Variants in PSIP1 observed in about 807,000 individuals in gnomAD.
The protein encoded by PSIP1 is PC4 and SFRS1-interacting protein.
A neutral mutation model predicts 74.7 loss-of-function variants in PSIP1; 19 were observed. The ratio of observed to expected loss-of-function variants is 0.25; its 90% CI spans 0.18 to 0.37. The LOEUF is 0.37. Among genes scored for constraint, PSIP1 ranks in the 10% least tolerant of loss-of-function variants. PSIP1 has a pLI of 1.00. For synonymous variants in PSIP1, 222 were observed against 195.3 expected, an observed-to-expected ratio of 1.14 and a Z score of -1.14; for missense variants, 601 against 614.3, an observed-to-expected ratio of 0.98 and a Z score of 0.23.
At chr9:15,495,843 C>T (rs1249230896) in intron 3 of PSIP1, among the ~76,000 whole-genome samples, 1 of 152,180 alleles carries the variant, frequency 6.6e-6, no homozygotes, top group East Asian at 1.9e-4. Flanking sequence ...GTTTCTCTGG[C>T]TGGACAATTA....
In PSIP1 at chr9:15,510,106, A is replaced by T; in HGVS notation, c.72+11T>A. 6.2e-7 allele frequency: 1 copy of T among 1,601,718 alleles called. No individual in the cohort carries two copies. The highest frequency in any genetic ancestry group is 1.1e-5 in the South Asian group (1 of 89,502). On this transcript the variant is annotated intron_variant, in intron 2 of 15. Coordinates refer to ENST00000380733, the MANE Select transcript of PSIP1 (RefSeq NM_033222.5). Reference sequence around the variant, plus strand: ...TAGCACTGCTAAGCGCGAGGGCTACAAATCACTTACTCGAGCTGGCCAATG... The same window carrying T: ...TAGCACTGCTAAGCGCGAGGGCTACTAATCACTTACTCGAGCTGGCCAATG...
At chr9:15,477,266 T>C (rs534781081) in intron 8 of PSIP1, among the ~76,000 whole-genome samples, 11 of 152,342 alleles carry the variant, frequency 7.2e-5, no homozygotes, top group Non-Finnish European at 1.0e-4. Context: ...ACACAATGTT[T>C]TGATGTACGT....
chr9:15,478,682 C>G (rs2132081513), intron 7 of PSIP1, 130 bp from the exon 8 acceptor site: 1 of 597,830 alleles, frequency 1.7e-6, no homozygotes, highest in East Asian at 3.1e-5. Context: ...ACAATTATTG[C>G]TAAATTGAAA....
At chr9:15,507,628 A>C (rs1231275667) in intron 2 of PSIP1, among the ~76,000 whole-genome samples, 2 of 152,152 alleles carry the variant, frequency 1.3e-5, no homozygotes, top group African/African-American at 2.4e-5. Context: ...ACAGAGTGAG[A>C]TCCTGTCTTT....
chr9:15,467,546 G>A (rs1169576444), intron 14 of PSIP1, among the ~76,000 whole-genome samples: 1 of 152,206 alleles, frequency 6.6e-6, no homozygotes, highest in African/African-American at 2.4e-5. Context: ...GAAATGGTAT[G>A]TCAGGGATTT....
chr9:15,485,474 T>C (rs538468171), intron 6 of PSIP1, among the ~76,000 whole-genome samples: 2 of 152,320 alleles, frequency 1.3e-5, no homozygotes, highest in Non-Finnish European at 2.9e-5. Flanking sequence ...ATGATAATAA[T>C]TTGAGACATA....
intron 9 of PSIP1, 51 bp downstream of exon 9, chr9:15,473,958 T>C (rs757502516): frequency 2.6e-6 from 3 of 1,142,812 alleles, no homozygotes; most frequent in Non-Finnish European, 3.5e-6. Flanking sequence ...ACAAAAAATA[T>C]ATATATAAAC....
chr9:15,484,326 C>T (rs891669147), intron 6 of PSIP1, among the ~76,000 whole-genome samples: 2 of 150,964 alleles, frequency 1.3e-5, no homozygotes, highest in African/African-American at 2.4e-5. Context: ...AGGCCAGGCC[C>T]GGTGGCTCAC....
In PSIP1 at chr9:15,470,803, G is replaced by A. The variant is rs2035791234; in HGVS notation, c.978-810C>T. On this transcript the variant is annotated intron_variant, in intron 10 of 15. Coordinates refer to ENST00000380733, the MANE Select transcript of PSIP1 (RefSeq NM_033222.5). ...GGGCCCCATTCTCAGGGATATAACTGCTATTCCAGTTTAATAACTAGCTTC... is the reference window on the plus strand; with the variant it reads ...GGGCCCCATTCTCAGGGATATAACTACTATTCCAGTTTAATAACTAGCTTC... 4.9e-6 allele frequency: 5 copies of A among 1,017,744 alleles called. No individual in the cohort carries two copies. In the South Asian group the frequency reaches 2.3e-4, roughly 47 times the overall value. The allele number at this position is 1,017,744 out of a possible 1,614,324, so 63.0% of individuals were successfully genotyped here.
rs887113979 is a variant in PSIP1, at chr9:15,471,760, T to C, written c.977+872A>G. 1.2e-5 allele frequency: 12 copies of C among 960,178 alleles called. No homozygotes were observed. The Admixed American group carries it at 1.8e-4, about 15-fold the overall frequency. 59.5% of individuals were successfully genotyped at this position (960,178 alleles called of 1,614,324 possible). A position where few individuals can be genotyped will look rare whatever the true frequency, so the allele number is the denominator to read the frequency against. On this transcript the variant is annotated intron_variant, in intron 10 of 15. Coordinates refer to ENST00000380733, the MANE Select transcript of PSIP1 (RefSeq NM_033222.5). ...AAGACTTTGGCTTACGGATATATTA[T>C]ATAAAGAAAAAAAGTACAAAATTGT...
intron 4 of PSIP1, among the ~76,000 whole-genome samples, chr9:15,488,499 T>C (rs2036657763): frequency 6.6e-6 from 1 of 152,204 alleles, no homozygotes; most frequent in Admixed American, 6.5e-5. Flanking sequence ...TAAAGACCTC[T>C]CATAGCCCTC....
intron 3 of PSIP1, among the ~76,000 whole-genome samples, chr9:15,497,408 C>T (rs1377063382): frequency 1.4e-5 from 2 of 147,464 alleles, no homozygotes; most frequent in South Asian, 4.3e-4. Context: ...ACTGCAACAT[C>T]CTCTGCTTCC....
At chr9:15,495,852 T>C (rs979202379) in intron 3 of PSIP1, among the ~76,000 whole-genome samples, 2 of 152,228 alleles carry the variant, frequency 1.3e-5, no homozygotes, top group South Asian at 2.1e-4. Context: ...GCTGGACAAT[T>C]AGTGTCTCTC....
At chr9:15,490,747 T>G (rs7859662) in intron 3 of PSIP1, among the ~76,000 whole-genome samples, 525 of 152,024 alleles carry the variant, frequency 3.5e-3, no homozygotes, top group African/African-American at 0.011. Context: ...CTACAAACTT[T>G]GACACATTAG....
chr9:15,505,232 C>A (rs749232664), intron 3 of PSIP1: 1 of 152,270 alleles, frequency 6.6e-6, no homozygotes, highest in South Asian at 2.1e-4. Flanking sequence ...CCACCACACC[C>A]AGCCAAGAAC....
chr9:15,471,394 C>T (rs2035821614), intron 10 of PSIP1: 2 of 1,513,216 alleles, frequency 1.3e-6, no homozygotes, highest in Non-Finnish European at 1.8e-6. Context: ...CATTGGAGGA[C>T]ATTCAAAAGA....
chr9:15,473,648 C>A (rs1012713092), intron 9 of PSIP1, among the ~76,000 whole-genome samples: 1 of 152,028 alleles, frequency 6.6e-6, no homozygotes, highest in African/African-American at 2.4e-5. Context: ...TGCCTGTAAT[C>A]CCGGCACTTT....
At chr9:15,485,623 A>AT (rs1341228926) in intron 6 of PSIP1, among the ~76,000 whole-genome samples, 1 of 152,216 alleles carries the variant, frequency 6.6e-6, no homozygotes, top group African/African-American at 2.4e-5. Context: ...CAACAACAAC[A>AT]TAATGGACAA....
At chr9:15,478,849 A>G (rs976610475) in intron 7 of PSIP1, among the ~76,000 whole-genome samples, 2 of 152,120 alleles carry the variant, frequency 1.3e-5, no homozygotes, top group East Asian at 1.9e-4. Flanking sequence ...TTCAACTTTT[A>G]GAATAGGAAA....
Sources: gnomAD v4.1 joint callset for allele counts (sites outside exome capture counted in the v4.1 genomes callset) on GRCh38, gnomAD v4.1.1 for gene constraint, MANE v1.5 for transcripts, NCBI Gene and HGNC (gene_info 2026-07-23, HGNC 2026-07-21) for gene names.